GRIN2A: variants seen among roughly 807,000 people sequenced by gnomAD.
The protein encoded by GRIN2A is glutamate ionotropic receptor NMDA type subunit 2A, also known as glutamate receptor ionotropic, NMDA 2A.
In GRIN2A, 22 loss-of-function variants were observed where a neutral mutation model predicts 113.4. The ratio of observed to expected loss-of-function variants is 0.19; its 90% CI spans 0.14 to 0.28. GRIN2A has a LOEUF of 0.28. Ranked by LOEUF, GRIN2A falls within the 10% of genes least tolerant of loss-of-function variation. The probability of loss-of-function intolerance (pLI) is 1.00; values close to 1 mark genes in which losing one functional copy is unlikely to be tolerated. For synonymous variants in GRIN2A, 827 were observed against 738.4 expected (o/e 1.12, Z -1.94); for missense variants, 1,502 against 1,887.0 (o/e 0.80, Z 3.78).
chr16:9,822,165 T>G (rs183052363), intron 10 of GRIN2A, 99 bp downstream of exon 10: 1 of 1,253,978 alleles, frequency 8.0e-7, no homozygotes, highest in African/African-American at 1.5e-5. Flanking sequence ...TCTCCAGAAA[T>G]ACAATGGGAG....
intron 2 of GRIN2A, among the ~76,000 whole-genome samples, chr16:10,055,047 CAAAAAAAAAAA>C (rs71133304): frequency 9.6e-5 from 1 of 10,400 alleles, no homozygotes; most frequent in Non-Finnish European, 1.5e-4. Flanking sequence ...GACTCTATCT[CAAAAAAAAAAA>C]AAAAAAAAAA....
chr16:9,883,667 A>G (rs2043530019), intron 4 of GRIN2A, among the ~76,000 whole-genome samples: 1 of 152,192 alleles, frequency 6.6e-6, no homozygotes, highest in Admixed American at 6.5e-5. Flanking sequence ...CGTGGGAGGA[A>G]GATGATGAGT....
intron 8 of GRIN2A, among the ~76,000 whole-genome samples, chr16:9,833,493 C>A (rs919051570): frequency 1.3e-5 from 2 of 152,154 alleles, no homozygotes; most frequent in African/African-American, 4.8e-5. Context: ...ATTTGACAAG[C>A]ATTTTTTAAA....
chr16:10,039,153 G>A (rs931119223), intron 2 of GRIN2A, among the ~76,000 whole-genome samples: 1 of 151,918 alleles, frequency 6.6e-6, no homozygotes, highest in Non-Finnish European at 1.5e-5. Context: ...CCCCACTGAT[G>A]TCTGTTGATC....
At chr16:9,877,399 C>T (rs1425715473) in intron 4 of GRIN2A, among the ~76,000 whole-genome samples, 3 of 152,172 alleles carry the variant, frequency 2.0e-5, no homozygotes, top group East Asian at 3.9e-4. Context: ...TCACTTTGAA[C>T]CTCAACATAA....
intron 2 of GRIN2A, among the ~76,000 whole-genome samples, chr16:10,100,589 G>A (rs9927924): frequency 0.41 from 61,610 of 152,002 alleles, 12,645 homozygotes; most frequent in East Asian, 0.46. Flanking sequence ...AACGATAGTC[G>A]TTGTTATAGT....
chr16:9,918,250 A>G (rs998711989), intron 3 of GRIN2A, among the ~76,000 whole-genome samples: 1 of 152,350 alleles, frequency 6.6e-6, no homozygotes, highest in Non-Finnish European at 1.5e-5. Context: ...GATGTACTGC[A>G]GTATCTCCCT....
chr16:9,824,677 T>G (rs2042353591), intron 9 of GRIN2A, among the ~76,000 whole-genome samples: 1 of 152,146 alleles, frequency 6.6e-6, no homozygotes, highest in African/African-American at 2.4e-5. Context: ...GTCAAACTTT[T>G]TAAAGCATGA....
chr16:9,952,513 G>C (rs901887416), intron 2 of GRIN2A, among the ~76,000 whole-genome samples: 1 of 152,146 alleles, frequency 6.6e-6, no homozygotes, highest in Admixed American at 6.5e-5. Flanking sequence ...AAGAGGCAGG[G>C]CCCGAGGGTA....
At chr16:9,870,663 AGTCTCGCTCT>A (rs2043244079) in intron 4 of GRIN2A, among the ~76,000 whole-genome samples, 1 of 141,936 alleles carries the variant, frequency 7.0e-6, no homozygotes, top group South Asian at 2.2e-4. Flanking sequence ...GTAGAGATGG[AGTCTCGCTCT>A]GTTGCCCAAG....
At chr16:9,842,939 G>A (rs1171521991) in intron 5 of GRIN2A, among the ~76,000 whole-genome samples, 2 of 134,480 alleles carry the variant, frequency 1.5e-5, no homozygotes, top group Admixed American at 7.5e-5. Context: ...GAGAGAAAGA[G>A]AGAAAGAAAG....
At chr16:9,860,672 G>A (rs932889644) in intron 4 of GRIN2A, among the ~76,000 whole-genome samples, 8 of 152,082 alleles carry the variant, frequency 5.3e-5, no homozygotes, top group African/African-American at 1.9e-4. Context: ...AAGGCAGAGT[G>A]ACAAGCTGGG....
At chr16:9,994,020 A>T (rs1018670015) in intron 2 of GRIN2A, among the ~76,000 whole-genome samples, 8 of 152,216 alleles carry the variant, frequency 5.3e-5, no homozygotes, top group African/African-American at 1.7e-4. Context: ...ATTTTTGAAC[A>T]TTCTGTAGTG....
intron 9 of GRIN2A, among the ~76,000 whole-genome samples, chr16:9,823,151 C>G (rs1269108534): frequency 6.6e-6 from 1 of 152,198 alleles, no homozygotes; most frequent in Non-Finnish European, 1.5e-5. Context: ...CCAGTCTTCT[C>G]TGATGGATTG....
At chr16:9,865,289 C>T (rs1596514779) in intron 4 of GRIN2A, among the ~76,000 whole-genome samples, 1 of 152,110 alleles carries the variant, frequency 6.6e-6, no homozygotes, top group Admixed American at 6.6e-5. Context: ...GCCTAAGTAA[C>T]CCACCACCGT....
intron 2 of GRIN2A, among the ~76,000 whole-genome samples, chr16:9,958,040 A>G (rs1178276084): frequency 6.6e-6 from 1 of 152,174 alleles, no homozygotes; most frequent in Non-Finnish European, 1.5e-5. Flanking sequence ...CTGCTTTAGA[A>G]TCACAGCTCT....
intron 2 of GRIN2A, among the ~76,000 whole-genome samples, chr16:10,120,645 A>G (rs1315033675): frequency 2.0e-5 from 3 of 152,180 alleles, no homozygotes; most frequent in African/African-American, 7.2e-5. Context: ...GACCAGAAAG[A>G]GACTCCACAT....
chr16:10,139,733 AG>A (rs1447448043), intron 2 of GRIN2A, among the ~76,000 whole-genome samples: 1 of 152,248 alleles, frequency 6.6e-6, no homozygotes, highest in Non-Finnish European at 1.5e-5. Flanking sequence ...AAGAGCTCAC[AG>A]GTTATTTTTA....
intron 11 of GRIN2A, among the ~76,000 whole-genome samples, chr16:9,783,419 T>G (rs1175836266): frequency 6.6e-6 from 1 of 152,252 alleles, no homozygotes; most frequent in East Asian, 1.9e-4. Context: ...TTATAGTCAA[T>G]AAATGAAAAT....
Sources: allele counts gnomAD v4.1 joint callset (sites outside exome capture counted in the v4.1 genomes callset), GRCh38; gene constraint gnomAD v4.1.1; transcripts MANE v1.5; gene names NCBI Gene and HGNC (gene_info 2026-07-23, HGNC 2026-07-21).